NEBL: variants seen among roughly 807,000 people sequenced by gnomAD.
The protein encoded by NEBL is LIM and SH3 protein 2.
Under a neutral mutation model 140.2 loss-of-function variants are expected in NEBL, and 122 were observed. The ratio of observed to expected loss-of-function variants is 0.87; its 90% CI spans 0.75 to 1.01. The LOEUF (loss-of-function observed/expected upper bound fraction) is 1.01. Among genes scored for constraint, NEBL ranks in the 50% least tolerant of loss-of-function variants. NEBL has a pLI of 0.00. For missense variants in NEBL, 1,365 were observed against 1,231.3 expected, an observed-to-expected ratio of 1.11 and a Z score of -1.62; for synonymous variants, 436 against 398.9, an observed-to-expected ratio of 1.09 and a Z score of -1.11.
chr10:21,157,842 C>G (rs1005494750), intron 2 of NEBL, among the ~76,000 whole-genome samples: 6 of 152,014 alleles, frequency 3.9e-5, no homozygotes, highest in African/African-American at 1.5e-4. Flanking sequence ...TAGGTGTGGG[C>G]CCTAATACAA....
intron 1 of NEBL, among the ~76,000 whole-genome samples, chr10:21,265,920 G>C (rs935180640): frequency 2.0e-5 from 3 of 152,186 alleles, no homozygotes; most frequent in Non-Finnish European, 2.9e-5. Flanking sequence ...CCCTTGTGTA[G>C]AACACACCTT....
At chr10:20,861,513 C>T (rs1843701641) in intron 7 of NEBL, among the ~76,000 whole-genome samples, 1 of 152,130 alleles carries the variant, frequency 6.6e-6, no homozygotes, top group African/African-American at 2.4e-5. Context: ...TTCTGCTATA[C>T]TTTTACCATA....
intron 3 of NEBL, among the ~76,000 whole-genome samples, chr10:20,974,994 C>T (rs567823883): frequency 2.0e-4 from 31 of 152,186 alleles, no homozygotes; most frequent in East Asian, 5.8e-4. Flanking sequence ...TTTCATGATT[C>T]GATATAATTC....
At chr10:21,145,498 C>G (rs1194378209) in intron 2 of NEBL, among the ~76,000 whole-genome samples, 1 of 152,202 alleles carries the variant, frequency 6.6e-6, no homozygotes, top group Middle Eastern at 3.2e-3. Flanking sequence ...GTGCCTGACA[C>G]TTAGGAACCA....
chr10:20,831,133 A>G (rs1294930789), intron 16 of NEBL, 63 bp downstream of exon 16: 3 of 1,152,772 alleles, frequency 2.6e-6, no homozygotes, highest in Non-Finnish European at 3.9e-6. Context: ...ATAGAGACAT[A>G]CAAAGCACAT....
At chr10:20,895,468 G>A (rs1847395372) in intron 2 of NEBL, among the ~76,000 whole-genome samples, 1 of 152,132 alleles carries the variant, frequency 6.6e-6, no homozygotes, top group Non-Finnish European at 1.5e-5. Flanking sequence ...GAACCTCTCT[G>A]TGCCTCTATC....
intron 23 of NEBL, chr10:20,813,629 C>A: frequency 3.4e-6 from 1 of 297,026 alleles, no homozygotes; most frequent in Non-Finnish European, 6.5e-6. Context: ...TTATGACAGG[C>A]AAACAGACCA....
rs1226828968 is a variant in NEBL at position 21,262,171 on chromosome 10, C to T, written n.183-10343G>A. On this transcript the variant is annotated intron_variant and non_coding_transcript_variant, in intron 1 of 8. Coordinates refer to the NEBL transcript ENST00000675702. ...GAGGGCCTCGATAGGAGATTCAAAA[C>T]TCAACAAGTGGCTGTCACTATGGAA... Among the ~76,000 whole-genome samples the T allele has an allele frequency of 2.0e-5, 3 of 152,180 alleles. No individual in the cohort carries two copies. In the East Asian group the frequency reaches 5.8e-4, roughly 29 times the overall value.
At chr10:20,861,872 C>A (rs1208268424) in intron 7 of NEBL, among the ~76,000 whole-genome samples, 2 of 152,122 alleles carry the variant, frequency 1.3e-5, no homozygotes, top group Non-Finnish European at 2.9e-5. Context: ...TCAGTAAACC[C>A]ACCGTAAGTT....
intron 1 of NEBL, among the ~76,000 whole-genome samples, chr10:21,270,301 T>C (rs1393424181): frequency 2.6e-5 from 4 of 152,132 alleles, no homozygotes; most frequent in Non-Finnish European, 4.4e-5. Context: ...CATCTCCAAA[T>C]TGGTATAGCC....
chr10:20,967,340 A>T (rs989970049), intron 3 of NEBL, among the ~76,000 whole-genome samples: 1 of 152,212 alleles, frequency 6.6e-6, no homozygotes, highest in Non-Finnish European at 1.5e-5. Flanking sequence ...AGAAATGTAG[A>T]CACAGGGCTG....
chr10:21,115,354 C>G (rs1838232086), intron 2 of NEBL, among the ~76,000 whole-genome samples: 1 of 151,892 alleles, frequency 6.6e-6, no homozygotes, highest in Non-Finnish European at 1.5e-5. Flanking sequence ...CTTTTTATTT[C>G]TTTGTGCAGA....
chr10:20,880,726 A>G (rs779936082), intron 5 of NEBL, 68 bp downstream of exon 5: 7 of 1,181,226 alleles, frequency 5.9e-6, no homozygotes, highest in South Asian at 1.2e-5. Context: ...TTTCAGCAAA[A>G]TAAACATAAG....
rs562397692 is a variant in NEBL at position 21,061,900 on chromosome 10, C to T, written c.165-41699G>A. ...AGACAATAATTTGTACATTGCTGCA[C>T]TTTAGGTTAACATAAGCTATAGATG... On this transcript the variant is annotated intron_variant, in intron 2 of 6. Coordinates refer to the NEBL transcript ENST00000417816. 3.3e-5 allele frequency among the ~76,000 whole-genome samples: 5 copies of T among 152,290 alleles called. No homozygotes were observed. The South Asian group carries it at 1.0e-3, about 32-fold the overall frequency.
At chr10:21,156,167 G>T (rs1286660138) in intron 2 of NEBL, among the ~76,000 whole-genome samples, 2 of 152,238 alleles carry the variant, frequency 1.3e-5, no homozygotes, top group African/African-American at 2.4e-5. Flanking sequence ...TTGGGGGACA[G>T]GAGGAATTCT....
chr10:21,157,733 G>A (rs1349898911), intron 2 of NEBL, among the ~76,000 whole-genome samples: 1 of 152,110 alleles, frequency 6.6e-6, no homozygotes, highest in Non-Finnish European at 1.5e-5. Context: ...ATGTATTGGA[G>A]TCCAAAAAGT....
chr10:20,904,957 A>G (rs1197167760), intron 4 of NEBL, among the ~76,000 whole-genome samples: 2 of 152,260 alleles, frequency 1.3e-5, no homozygotes, highest in East Asian at 3.8e-4. Flanking sequence ...TGATTTATGA[A>G]TTTTATGAAA....
chr10:20,861,214 A>G (rs1253841755), intron 7 of NEBL, among the ~76,000 whole-genome samples: 1 of 152,142 alleles, frequency 6.6e-6, no homozygotes, highest in Non-Finnish European at 1.5e-5. Context: ...GTCTCACTCT[A>G]TCACCCAGGC....
chr10:21,073,259 G>A (rs1176585309), intron 2 of NEBL, among the ~76,000 whole-genome samples: 5 of 151,682 alleles, frequency 3.3e-5, no homozygotes, highest in African/African-American at 7.3e-5. Context: ...GGAGTTTGAG[G>A]CTACAGTGAG....
Sources: gnomAD v4.1 joint callset for allele counts (sites outside exome capture counted in the v4.1 genomes callset) on GRCh38, gnomAD v4.1.1 for gene constraint, MANE v1.5 for transcripts, NCBI Gene and HGNC (gene_info 2026-07-23, HGNC 2026-07-21) for gene names.